The following ARSA variants were observed in gnomAD, a reference collection of about 807,000 sequenced individuals.
ARSA encodes the protein arylsulfatase A, also known as cerebroside-sulfatase.
In ARSA, 32 loss-of-function variants were observed where a neutral mutation model predicts 37.8. That is an observed-to-expected ratio of 0.85 (90% CI 0.64 to 1.14). The LOEUF is 1.14. Ranked by LOEUF, ARSA falls within the 50% of genes most tolerant of loss-of-function variation. The probability of loss-of-function intolerance (pLI) is 0.00; values close to 1 mark genes in which losing one functional copy is unlikely to be tolerated. For missense variants in ARSA, 685 were observed against 686.3 expected (o/e 1.00, Z 0.02); for synonymous variants, 303 against 303.4 (o/e 1.00, Z 0.01).
chr22:50,627,489 C>A, intron 1 of ARSA, 67 bp downstream of exon 1: 3 of 1,587,848 alleles, frequency 1.9e-6, no homozygotes, highest in Non-Finnish European at 1.7e-6. Flanking sequence ...TTCCCGCCCC[C>A]CTGCAATCCA....
In ARSA at chr22:50,626,225, C is replaced by G; in HGVS notation, c.908G>C (p.Gly303Ala). 3.1e-6 allele frequency: 5 copies of G among 1,613,582 alleles called. No homozygotes were observed. The highest frequency in any genetic ancestry group is 4.2e-6 in the Non-Finnish European group (5 of 1,179,944). ...RGGCSGLLRCGKGTTYEGGVR... is the reference protein window; with the variant it reads ...RGGCSGLLRCAKGTTYEGGVR... ...ACCGCCCTCGTAGGTCGTTCCCTTTCCACACCGCAAGAGACCGGAGCAGCC... is the reference window on the plus strand; with the variant it reads ...ACCGCCCTCGTAGGTCGTTCCCTTTGCACACCGCAAGAGACCGGAGCAGCC... The change falls in exon 5 of 8, where the codon GGA becomes GCA. Residue 303 changes from glycine (G) to alanine (A), a missense_variant. Transcript: ENST00000216124.
chr22:50,626,231 C>G lies in ARSA; in HGVS notation c.902G>C (p.Arg301Pro), dbSNP rs573456864. The change falls in exon 5 of 8, where the codon CGG (arginine) becomes CCG (proline). Residue 301 changes from arginine (R) to proline (P), a missense_variant. By Grantham distance (103) the Arg-to-Pro change is moderately radical (BLOSUM62 -2). Coordinates refer to ENST00000216124, the MANE Select transcript of ARSA (RefSeq NM_000487.6). ...CTCGTAGGTCGTTCCCTTTCCACAC[C>G]GCAAGAGACCGGAGCAGCCGCCTCG... is the stretch of plus-strand genomic sequence containing the variant. ...MSRGGCSGLLRCGKGTTYEGG... is the reference protein window; with the variant it reads ...MSRGGCSGLLPCGKGTTYEGG... The G allele has an allele frequency of 6.2e-7, 1 of 1,613,432 alleles. No individual in the cohort carries two copies. Among genetic ancestry groups the G allele is most frequent in the African/African-American group, 1.3e-5 (1 of 74,930 alleles).
rs148092995 is a variant in ARSA, at chr22:50,626,154, C to A, written c.979G>T (p.Gly327Cys). The change falls in exon 5 of 8, where the codon GGC (glycine) becomes TGC (cysteine). Residue 327 changes from glycine (G) to cysteine (C), a missense_variant and splice_region_variant. Transcript: ENST00000216124. ...LAFWPGHIAPGVTHELASSLD... is the reference protein window; with the variant it reads ...LAFWPGHIAPCVTHELASSLD... ...CCAAGGAGAGGGCCTGCGGACTGAC[C>A]GGGAGCGATATGACCTGGCCAGAAG... 6.2e-7 allele frequency: 1 copy of A among 1,601,538 alleles called. No individual in the cohort carries two copies. The highest frequency in any genetic ancestry group is 8.5e-7 in the Non-Finnish European group (1 of 1,175,172).
rs1397001071 is a variant in ARSA, at chr22:50,626,645, A to G, written c.800T>C (p.Ile267Thr). 1.9e-6 allele frequency: 3 copies of G among 1,613,968 alleles called. No homozygotes were observed. In the Admixed American group the frequency reaches 5.0e-5, roughly 27 times the overall value. Reference sequence around the variant, plus strand: ...CTCTTCAAGCAGCCCCAGGTCCCCTATGGCTGTCATCAGGGTCCCCACAGC... The same window carrying G: ...CTCTTCAAGCAGCCCCAGGTCCCCTGTGGCTGTCATCAGGGTCCCCACAGC... ...DAAVGTLMTAIGDLGLLEETL... is the reference protein window; with the variant it reads ...DAAVGTLMTATGDLGLLEETL... The change falls in exon 4 of 8, where the codon ATA (isoleucine) becomes ACA (threonine). Residue 267 changes from isoleucine to threonine, a missense_variant. By Grantham distance (89) the Ile-to-Thr change is moderately conservative (BLOSUM62 -1). Coordinates refer to ENST00000216124, the MANE Select transcript of ARSA (RefSeq NM_000487.6).
rs933006189 is a variant in ARSA at position 50,624,569 on chromosome 22, C to T, written c.*576G>A. On this transcript the variant is annotated 3_prime_UTR_variant, in exon 8 of 8. Coordinates refer to ENST00000216124, the MANE Select transcript of ARSA (RefSeq NM_000487.6). ...CCAGCAGGGGCTCCAGGCCCCTTAG[C>T]CCCACCTGGAGTGTGCAACTCATCA... 1.7e-4 allele frequency among the ~76,000 whole-genome samples: 26 copies of T among 152,144 alleles called. No individual in the cohort carries two copies. The highest frequency in any genetic ancestry group is 6.0e-4 in the African/African-American group (25 of 41,404).
Position 50,626,151 on chromosome 22 carries a change from G to A in ARSA, c.979+3C>T, listed in dbSNP as rs2082662655. ...GTTCCAAGGAGAGGGCCTGCGGACT[G>A]ACCGGGAGCGATATGACCTGGCCAG... On this transcript the variant is annotated splice_donor_region_variant and intron_variant, in intron 5 of 7. Coordinates refer to ENST00000216124, the MANE Select transcript of ARSA (RefSeq NM_000487.6). 1 of 1,601,160 alleles carries A rather than the reference G, an allele frequency of 6.2e-7. No individual in the cohort carries two copies. Among genetic ancestry groups the A allele is most frequent in the Non-Finnish European group, 8.5e-7 (1 of 1,175,078 alleles).
At chr22:50,626,535 C>A (rs940911529) in intron 4 of ARSA, 56 bp downstream of exon 4, 6 of 1,603,870 alleles carry the variant, frequency 3.7e-6, no homozygotes, top group Non-Finnish European at 4.2e-6. Context: ...ACTGCAAGGC[C>A]TCCAGGGCCC....
In ARSA at chr22:50,625,896, CA is replaced by C. The variant is rs748557996; in HGVS notation, c.1107+39del. 84 of 1,562,692 alleles carry C rather than the reference CA, an allele frequency of 5.4e-5. 1 individual carries two copies. The South Asian group carries it at 6.8e-4, about 13-fold the overall frequency. On this transcript the variant is annotated intron_variant, in intron 6 of 7. Transcript: ENST00000216124. ...CACTCACCCCAGGGGAAGGCCAGGA[CA>C]GGGGCCAAGGATCTGGGATCAGGGG...
rs2082651517 is a variant in ARSA at position 50,625,618 on chromosome 22, C to T, written c.1171G>A (p.Val391Met). ...TGAGCCTTGTACTTTCCAGTCCGCA[C>T]AGCAAAAACCCCACGGACCTCGTCT... ...YPDEVRGVFA[V>M]RTGKYKAHFF... The change falls in exon 7 of 8, where the codon GTG becomes ATG. Residue 391 changes from valine to methionine, a missense_variant. Transcript: ENST00000216124. 6.2e-7 allele frequency: 1 copy of T among 1,613,738 alleles called. No homozygotes were observed.
chr22:50,625,790 C>T, intron 6 of ARSA, 109 bp from the exon 7 acceptor site: 1 of 1,551,570 alleles, frequency 6.4e-7, no homozygotes, highest in Non-Finnish European at 8.8e-7. Flanking sequence ...TTCTTGCCCA[C>T]CCAGGAACCT....
At position 50,623,898 on chromosome 22, in the gene ARSA, CAAAAA is replaced by C. The variant is rs131716; in HGVS notation, c.*1242_*1246del. Reference sequence around the variant, plus strand: ...TGGGCGACAGAGCGAGACTCCGTCTCAAAAAAAAAAAAAAAAAAAAAAAAAAAAAA... The same window carrying C: ...TGGGCGACAGAGCGAGACTCCGTCTCAAAAAAAAAAAAAAAAAAAAAAAAA... On this transcript the variant is annotated 3_prime_UTR_variant, in exon 8 of 8. Coordinates refer to ENST00000216124, the MANE Select transcript of ARSA (RefSeq NM_000487.6). 2.8e-5 allele frequency: 4 copies of C among 141,860 alleles called. No homozygotes were observed. The highest frequency in any genetic ancestry group is 2.2e-4 in the South Asian group (1 of 4,526). 8.8% of individuals were successfully genotyped at this position (141,860 alleles called of 1,614,324 possible).
In ARSA at chr22:50,627,042, TGGCAGGGGCCCTGAGGCG is replaced by T. The variant is rs1439146817; in HGVS notation, c.466-8_475del. On this transcript the variant is annotated splice_acceptor_variant and splice_polypyrimidine_tract_variant and coding_sequence_variant and intron_variant, in exon 3 of 8. Coordinates refer to ENST00000216124, the MANE Select transcript of ARSA (RefSeq NM_000487.6). LOFTEE classifies it high-confidence loss of function. ...GGCCGGCGGGAAGCAGGTCAGGTTC[TGGCAGGGGCCCTGAGGCG>T]GGCAGCTGCCGTGAGGGCTGGGCTG... 1.9e-6 allele frequency: 3 copies of T among 1,606,630 alleles called. No individual in the cohort carries two copies.
intron 6 of ARSA, 121 bp downstream of exon 6, chr22:50,625,815 C>T: frequency 2.6e-6 from 4 of 1,540,636 alleles, no homozygotes; most frequent in Non-Finnish European, 3.5e-6. Flanking sequence ...GGTGGCGCCA[C>T]TTGGATGCCA....
At position 50,625,539 on chromosome 22, in the gene ARSA, G is replaced by A. The variant is rs1213318322; in HGVS notation, c.1210+40C>T. ...CAGGGATCTAGGGCTCCGGGGAGGG[G>A]TCAGCAGGTCGGGGGGAGGGATCCA... On this transcript the variant is annotated intron_variant, in intron 7 of 7. Coordinates refer to ENST00000216124, the MANE Select transcript of ARSA (RefSeq NM_000487.6). The A allele has an allele frequency of 3.1e-6, 5 of 1,609,808 alleles. No individual in the cohort carries two copies. In the South Asian group the frequency reaches 4.4e-5, roughly 14 times the overall value.
chr22:50,626,322 T>C lies in ARSA; in HGVS notation c.855-44A>G, dbSNP rs1320448868. On this transcript the variant is annotated intron_variant, in intron 4 of 7. Coordinates refer to ENST00000216124, the MANE Select transcript of ARSA (RefSeq NM_000487.6). ...TCATGAGCCATGGAGCCACAGCCTC[T>C]GAGCCACCGAGGGTGACCAGTGGCC... 1.9e-6 allele frequency: 3 copies of C among 1,602,184 alleles called. No individual in the cohort carries two copies. In the African/African-American group the frequency reaches 4.0e-5, roughly 21 times the overall value.
chr22:50,625,149 G>C lies in ARSA; in HGVS notation c.1526C>G (p.Ala509Gly). The change falls in exon 8 of 8, where the codon GCC becomes GGC. Residue 509 changes from alanine to glycine, a missense_variant. Transcript: ENST00000216124. ...PACCHCPDPH[A>G] ...CCCAGGCCAGCCGAGGGGCCCTCAG[G>C]CATGGGGATCTGGGCAATGGCAGCA... The C allele has an allele frequency of 1.3e-6, 2 of 1,566,930 alleles. No individual in the cohort carries two copies. The highest frequency in any genetic ancestry group is 1.7e-6 in the Non-Finnish European group (2 of 1,157,786).
At chr22:50,627,484 G>C (rs932211470) in intron 1 of ARSA, 72 bp downstream of exon 1, 3 of 1,589,826 alleles carry the variant, frequency 1.9e-6, no homozygotes, top group African/African-American at 2.7e-5. Context: ...CGTTTTTCCC[G>C]CCCCCCTGCA....
At position 50,626,725 on chromosome 22, in the gene ARSA, A is replaced by G. The variant is rs1603444964; in HGVS notation, c.720T>C (p.Phe240=). The part of the protein sequence containing the change: ...THYPQFSGQS[F]AERSGRGPFG... Reference sequence around the variant, plus strand: ...ATGGCCCGCGGCCTGAACGCTCTGCAAAGCTCTGCCCACTGAACTGAGGGT... The same window carrying G: ...ATGGCCCGCGGCCTGAACGCTCTGCGAAGCTCTGCCCACTGAACTGAGGGT... Residue 240 remains phenylalanine, a synonymous_variant, in exon 4 of 8, where the codon TTT becomes TTC. Coordinates refer to ENST00000216124, the MANE Select transcript of ARSA (RefSeq NM_000487.6). The G allele has an allele frequency of 6.2e-7, 1 of 1,613,980 alleles. No homozygotes were observed. Among genetic ancestry groups the G allele is most frequent in the Admixed American group, 1.7e-5 (1 of 60,014 alleles).
rs986551305 is a variant in ARSA, at chr22:50,624,732, A to T, written c.*413T>A. On this transcript the variant is annotated 3_prime_UTR_variant, in exon 8 of 8. Transcript: ENST00000216124. ...AGTCTTCTGGCCCTCACACCCTCCC[A>T]CCCTCCCACCCCGTTCCTGGCACTC... is the stretch of plus-strand genomic sequence containing the variant. Among the ~76,000 whole-genome samples the T allele has an allele frequency of 1.5e-5, 1 of 64,862 alleles. No homozygotes were observed. The highest frequency in any genetic ancestry group is 7.2e-4 in the South Asian group (1 of 1,390). The allele number at this position is 64,862 out of a possible 152,430, so 42.6% of individuals were successfully genotyped here.
Sources: gnomAD v4.1 joint callset for allele counts (sites outside exome capture counted in the v4.1 genomes callset) on GRCh38, gnomAD v4.1.1 for gene constraint, MANE v1.5 for transcripts, NCBI Gene and HGNC (gene_info 2026-07-23, HGNC 2026-07-21) for gene names.